DCLK1: variants seen among roughly 807,000 people sequenced by gnomAD.
The protein encoded by DCLK1 is doublecortin like kinase 1.
Under a neutral mutation model 86.2 loss-of-function variants are expected in DCLK1, and 16 were observed. The observed-to-expected ratio is 0.19, with a 90% CI of 0.13 to 0.28. The LOEUF is 0.28. DCLK1 is among the 10% of genes least tolerant of loss of function. DCLK1 has a pLI of 1.00. For missense variants in DCLK1, 590 were observed against 940.2 expected (o/e 0.63, Z 4.87); for synonymous variants, 369 against 370.5 (o/e 1.00, Z 0.05).
At chr13:35,781,927 T>G (rs2086533491) in intron 16 of DCLK1, among the ~76,000 whole-genome samples, 1 of 152,208 alleles carries the variant, frequency 6.6e-6, no homozygotes, top group Non-Finnish European at 1.5e-5. Flanking sequence ...TTATTGGGCT[T>G]ACTCTCAGGC....
chr13:35,886,596 T>TA (rs1475628493), intron 4 of DCLK1, among the ~76,000 whole-genome samples: 2 of 152,202 alleles, frequency 1.3e-5, no homozygotes, highest in African/African-American at 2.4e-5. Flanking sequence ...GCATATGAAT[T>TA]AGTTTCTGGT....
chr13:36,015,955 G>C (rs1372786676), intron 3 of DCLK1, among the ~76,000 whole-genome samples: 1 of 152,178 alleles, frequency 6.6e-6, no homozygotes, highest in Non-Finnish European at 1.5e-5. Flanking sequence ...ATTAGAACCA[G>C]TTAACCAGCA....
At chr13:36,099,942 G>T (rs552857638) in intron 3 of DCLK1, among the ~76,000 whole-genome samples, 2 of 152,200 alleles carry the variant, frequency 1.3e-5, no homozygotes, top group African/African-American at 4.8e-5. Context: ...GTTGCCAAAT[G>T]CAGCAAGGAT....
At chr13:35,857,650 A>G (rs1871143895) in intron 5 of DCLK1, among the ~76,000 whole-genome samples, 1 of 152,236 alleles carries the variant, frequency 6.6e-6, no homozygotes, top group African/African-American at 2.4e-5. Context: ...ACAAGAACCG[A>G]GGTATCACAA....
rs1330759995 is a variant in DCLK1 at position 35,772,725 on chromosome 13, A to G, written c.*1810T>C. On this transcript the variant is annotated 3_prime_UTR_variant, in exon 17 of 17. Transcript: ENST00000360631. Reference sequence around the variant, plus strand: ...CTTTTTACATGTCAGGACAACACAGACCACAGAGATGAACCTAAATGTAAA... The same window carrying G: ...CTTTTTACATGTCAGGACAACACAGGCCACAGAGATGAACCTAAATGTAAA... 6.6e-6 allele frequency: 1 copy of G among 152,194 alleles called. No homozygotes were observed. The highest frequency in any genetic ancestry group is 1.5e-5 in the Non-Finnish European group (1 of 68,046). 9.4% of individuals were successfully genotyped at this position (152,194 alleles called of 1,614,324 possible).
At position 35,998,675 on chromosome 13, in the gene DCLK1, C is replaced by CAATAAATATTTTGACA. The variant is rs574844440; in HGVS notation, c.724-51219_724-51218insTGTCAAAATATTTATT. Among the ~76,000 whole-genome samples the CAATAAATATTTTGACA allele has an allele frequency of 1.1e-3, 161 of 152,240 alleles. 1 individual carries two copies. The highest frequency in any genetic ancestry group is 3.5e-3 in the African/African-American group (147 of 41,564). ...CACTATCATGCGCACTGCAGACTTT[C>CAATAAATATTTTGACA]AATAAATATTTGTCAAACATAAGAT... On this transcript the variant is annotated intron_variant, in intron 3 of 16. Coordinates refer to ENST00000360631, the MANE Select transcript of DCLK1 (RefSeq NM_001330071.2).
At chr13:35,884,191 T>C (rs560163797) in intron 4 of DCLK1, among the ~76,000 whole-genome samples, 3 of 151,986 alleles carry the variant, frequency 2.0e-5, no homozygotes, top group African/African-American at 4.8e-5. Context: ...AATTGTGCAA[T>C]GTGCCACTTG....
intron 3 of DCLK1, among the ~76,000 whole-genome samples, chr13:36,067,416 G>A (rs1883797447): frequency 9.0e-6 from 1 of 111,404 alleles, no homozygotes. Flanking sequence ...TGTGGGGTGG[G>A]GGGAGGGGGG....
intron 3 of DCLK1, among the ~76,000 whole-genome samples, chr13:35,976,042 C>A (rs766603295): frequency 6.6e-6 from 1 of 152,196 alleles, no homozygotes; most frequent in Non-Finnish European, 1.5e-5. Flanking sequence ...GGAGCCAGTC[C>A]TCTAGGGAAC....
chr13:35,994,369 C>CA (rs1880382502), intron 3 of DCLK1, among the ~76,000 whole-genome samples: 1 of 152,176 alleles, frequency 6.6e-6, no homozygotes, highest in Non-Finnish European at 1.5e-5. Context: ...TAAGCTTCCA[C>CA]ACCACAGAAT....
intron 3 of DCLK1, among the ~76,000 whole-genome samples, chr13:36,079,680 C>T (rs529253727): frequency 6.6e-6 from 1 of 152,030 alleles, no homozygotes; most frequent in Non-Finnish European, 1.5e-5. Flanking sequence ...GTACTTAGTA[C>T]CAACAGCATT....
chr13:35,975,021 G>A (rs1221641480), intron 3 of DCLK1, among the ~76,000 whole-genome samples: 2 of 152,180 alleles, frequency 1.3e-5, no homozygotes, highest in Non-Finnish European at 2.9e-5. Flanking sequence ...TCCATGCTTA[G>A]TGTGCTGTGA....
chr13:36,088,759 T>C (rs1884708670), intron 3 of DCLK1, among the ~76,000 whole-genome samples: 1 of 152,210 alleles, frequency 6.6e-6, no homozygotes, highest in South Asian at 2.1e-4. Flanking sequence ...CTATCTCTCT[T>C]GACAAACCAA....
intron 3 of DCLK1, among the ~76,000 whole-genome samples, chr13:35,973,835 C>T (rs892155337): frequency 3.3e-5 from 5 of 152,072 alleles, no homozygotes; most frequent in African/African-American, 1.2e-4. Flanking sequence ...GGGGCTGGCT[C>T]ATGGTCCTGG....
intron 3 of DCLK1, among the ~76,000 whole-genome samples, chr13:35,981,747 G>T (rs1879653228): frequency 6.6e-6 from 1 of 152,182 alleles, no homozygotes; most frequent in South Asian, 2.1e-4. Context: ...ATGCTGCCAT[G>T]AACATGGGTA....
intron 5 of DCLK1, among the ~76,000 whole-genome samples, chr13:35,867,629 T>G (rs1871887654): frequency 6.6e-6 from 1 of 152,194 alleles, no homozygotes; most frequent in African/African-American, 2.4e-5. Context: ...TACAAGTACA[T>G]TTAATATATT....
intron 4 of DCLK1, among the ~76,000 whole-genome samples, chr13:35,906,573 T>G (rs1226934522): frequency 6.6e-6 from 1 of 152,168 alleles, no homozygotes; most frequent in Non-Finnish European, 1.5e-5. Context: ...TTAAATTATG[T>G]CCAGGAAACT....
chr13:36,014,011 A>G (rs922225012), intron 3 of DCLK1, among the ~76,000 whole-genome samples: 2 of 152,138 alleles, frequency 1.3e-5, no homozygotes, highest in Non-Finnish European at 2.9e-5. Flanking sequence ...TCGGAAAGGG[A>G]ACTCCCTGAC....
At chr13:35,958,923 T>C (rs147083916) in intron 3 of DCLK1, among the ~76,000 whole-genome samples, 154 of 152,316 alleles carry the variant, frequency 1.0e-3, no homozygotes, top group African/African-American at 3.5e-3. Context: ...ATTGTTTGAA[T>C]AATAATACTG....
Sources: allele counts gnomAD v4.1 joint callset (sites outside exome capture counted in the v4.1 genomes callset), GRCh38; gene constraint gnomAD v4.1.1; transcripts MANE v1.5; gene names NCBI Gene and HGNC (gene_info 2026-07-23, HGNC 2026-07-21).